TSPAN3: variants seen among roughly 807,000 people sequenced by gnomAD.
TSPAN3 encodes the protein tetraspanin 3.
A neutral mutation model predicts 31.1 loss-of-function variants in TSPAN3; 9 were observed. That is an observed-to-expected ratio of 0.29 (90% CI 0.17 to 0.50). The LOEUF (loss-of-function observed/expected upper bound fraction) is 0.50. TSPAN3 is among the 20% of genes least tolerant of loss of function. The pLI, the probability that TSPAN3 is intolerant of heterozygous loss-of-function variation, is 0.98. For missense variants in TSPAN3, 252 were observed against 313.5 expected (o/e 0.80, Z 1.48); for synonymous variants, 129 against 114.3 (o/e 1.13, Z -0.82).
In TSPAN3 at chr15:77,070,905, T is replaced by C. The variant is rs936085475; in HGVS notation, c.50A>G (p.Asn17Ser). The C allele has an allele frequency of 7.1e-7, 1 of 1,418,192 alleles. No homozygotes were observed. Among genetic ancestry groups the C allele is most frequent in the Non-Finnish European group, 9.3e-7 (1 of 1,074,742 alleles). The allele number at this position is 1,418,192 out of a possible 1,614,324, so 87.9% of individuals were successfully genotyped here. A position where few individuals can be genotyped will look rare whatever the true frequency, so the allele number is the denominator to read the frequency against. The change falls in exon 1 of 7, where the codon AAC (asparagine) becomes AGC (serine). Residue 17 changes from asparagine (N) to serine (S), a missense_variant. By Grantham distance (46) the Asn-to-Ser change is conservative. Transcript: ENST00000267970. ...TSSKTVLVFL[N>S]LIFWGAAGIL... ...GGCCCCGCTCACCCAGAAGATGAGG[T>C]TGAGAAAGACCAGCACGGTCTTGGA...
intron 1 of TSPAN3, 39 bp from the exon 2 acceptor site, chr15:77,056,294 C>T (rs965654936): frequency 2.7e-6 from 4 of 1,490,384 alleles, no homozygotes; most frequent in East Asian, 2.4e-5. Flanking sequence ...CTAAGCACTG[C>T]TGGTAAAAAT....
At chr15:77,054,355 C>T (rs1358856946) in intron 3 of TSPAN3, 76 bp from the exon 4 acceptor site, 2 of 1,056,322 alleles carry the variant, frequency 1.9e-6, no homozygotes, top group Non-Finnish European at 2.9e-6. Flanking sequence ...TACTAAAATA[C>T]TTAAATGAAA....
Position 77,055,768 on chromosome 15 carries a change from GA to G in TSPAN3, c.330+20del. On this transcript the variant is annotated intron_variant, in intron 3 of 6. Transcript: ENST00000267970. Reference sequence around the variant, plus strand: ...TAAACCACCTTTTAAGGCATTATGTGAATTACAGTAGACAACATACCTTTGC... The same window carrying G: ...TAAACCACCTTTTAAGGCATTATGTGATTACAGTAGACAACATACCTTTGC... The G allele has an allele frequency of 6.4e-7, 1 of 1,574,784 alleles. No individual in the cohort carries two copies. The highest frequency in any genetic ancestry group is 8.6e-7 in the Non-Finnish European group (1 of 1,164,652).
intron 1 of TSPAN3, among the ~76,000 whole-genome samples, chr15:77,069,139 A>C (rs961002326): frequency 6.6e-6 from 1 of 152,238 alleles, no homozygotes; most frequent in African/African-American, 2.4e-5. Context: ...GTTGTAGAAA[A>C]ACAGGTAGCT....
intron 1 of TSPAN3, chr15:77,068,095 C>T (rs1412763248): frequency 6.6e-6 from 1 of 152,170 alleles, no homozygotes; most frequent in African/African-American, 2.4e-5. Flanking sequence ...ATGTTAGTTG[C>T]CATTACCCAT....
At chr15:77,051,528 TAAA>T (rs575430311) in intron 6 of TSPAN3, among the ~76,000 whole-genome samples, 6 of 128,302 alleles carry the variant, frequency 4.7e-5, no homozygotes, top group African/African-American at 5.8e-5. Flanking sequence ...AACTCTGTCG[TAAA>T]AAAAAAAAAA....
Position 77,046,610 on chromosome 15 carries a change from A to G in TSPAN3, c.*225T>C. 1.8e-6 allele frequency: 1 copy of G among 548,742 alleles called. No homozygotes were observed. Among genetic ancestry groups the G allele is most frequent in the Non-Finnish European group, 3.2e-6 (1 of 310,816 alleles). The allele number at this position is 548,742 out of a possible 1,614,324, so 34.0% of individuals were successfully genotyped here. The stretch of plus-strand genomic sequence containing the variant: ...TGGTTCTGAAATTAGAACGTTCACC[A>G]TCGTACTTAAAATCTTAGGGGCATG... On this transcript the variant is annotated 3_prime_UTR_variant, in exon 7 of 7. Coordinates refer to ENST00000267970, the MANE Select transcript of TSPAN3 (RefSeq NM_005724.6).
At chr15:77,067,481 A>G (rs776331363) in intron 1 of TSPAN3, among the ~76,000 whole-genome samples, 2 of 152,200 alleles carry the variant, frequency 1.3e-5, no homozygotes, top group Non-Finnish European at 2.9e-5. Context: ...TTAAACTTTG[A>G]CCCTTGTTAA....
intron 6 of TSPAN3, among the ~76,000 whole-genome samples, chr15:77,051,544 A>G (rs1215088639): frequency 6.6e-6 from 1 of 150,980 alleles, no homozygotes; most frequent in African/African-American, 2.4e-5. Context: ...AAAAAAAAAG[A>G]AAAGAAAAGA....
intron 1 of TSPAN3, among the ~76,000 whole-genome samples, chr15:77,066,130 G>A (rs897607705): frequency 3.3e-5 from 5 of 152,046 alleles, no homozygotes; most frequent in African/African-American, 4.8e-5. Flanking sequence ...TTAATTTACC[G>A]GAATAAAAAC....
At chr15:77,054,113 G>T in intron 4 of TSPAN3, 65 bp downstream of exon 4, 1 of 1,103,504 alleles carries the variant, frequency 9.1e-7, no homozygotes. Flanking sequence ...AGAAATAGCA[G>T]TTAGTTTAAT....
intron 1 of TSPAN3, among the ~76,000 whole-genome samples, chr15:77,067,099 G>A (rs2076838301): frequency 2.0e-5 from 3 of 151,954 alleles, no homozygotes; most frequent in Admixed American, 2.0e-4. Flanking sequence ...GAGCCCTCAT[G>A]ACCCAATCAC....
intron 4 of TSPAN3, among the ~76,000 whole-genome samples, chr15:77,053,905 G>C (rs1013003395): frequency 6.6e-6 from 1 of 151,994 alleles, no homozygotes; most frequent in Non-Finnish European, 1.5e-5. Context: ...TCTCTCTTGC[G>C]TCATCACCCC....
At chr15:77,053,410 T>C (rs1277935130) in intron 4 of TSPAN3, among the ~76,000 whole-genome samples, 10 of 120,936 alleles carry the variant, frequency 8.3e-5, no homozygotes, top group African/African-American at 2.7e-4. Context: ...ATCGCGCCAC[T>C]GCACTCCAGC....
intron 1 of TSPAN3, among the ~76,000 whole-genome samples, chr15:77,057,845 C>G (rs926783104): frequency 2.6e-5 from 4 of 152,200 alleles, no homozygotes; most frequent in Non-Finnish European, 5.9e-5. Context: ...CATCTCAGAA[C>G]TACACATTTC....
chr15:77,056,539 A>C (rs1164397332), intron 1 of TSPAN3, among the ~76,000 whole-genome samples: 3 of 152,078 alleles, frequency 2.0e-5, no homozygotes, highest in Non-Finnish European at 4.4e-5. Context: ...ACATCCCTAA[A>C]GGCTTACTGT....
intron 1 of TSPAN3, among the ~76,000 whole-genome samples, chr15:77,058,619 GTACCCATCTGTCCTTCAC>G (rs2076782502): frequency 6.6e-6 from 1 of 152,200 alleles, no homozygotes; most frequent in African/African-American, 2.4e-5. Flanking sequence ...AGCACGAATT[GTACCCATCTGTCCTTCAC>G]CCTTGTATCA....
intron 1 of TSPAN3, among the ~76,000 whole-genome samples, chr15:77,061,534 AT>A (rs920182634): frequency 1.4e-4 from 22 of 152,122 alleles, no homozygotes; most frequent in Non-Finnish European, 2.6e-4. Flanking sequence ...GTCTCAAAAA[AT>A]TAAAAAAAAA....
At position 77,052,880 on chromosome 15, in the gene TSPAN3, C is replaced by T; in HGVS notation, c.482G>A (p.Trp161Ter). Reference protein sequence around the residue: ...HNYSDWENTDWFKETKNQSVP... With the variant: ...HNYSDWENTD ...ACTCTGGTTTTTGGTTTCTTTGAAC[C>T]AATCTGTATTTTCCCAGTCTGAGTA... Residue 161 changes from tryptophan (W) to a stop codon, truncating the protein, a stop_gained, in exon 5 of 7, where the codon TGG becomes TAG. Transcript: ENST00000267970. LOFTEE classifies it high-confidence loss of function. 6.2e-7 allele frequency: 1 copy of T among 1,613,988 alleles called. No individual in the cohort carries two copies. Among genetic ancestry groups the T allele is most frequent in the Non-Finnish European group, 8.5e-7 (1 of 1,179,924 alleles).
Sources: allele counts gnomAD v4.1 joint callset (sites outside exome capture counted in the v4.1 genomes callset), GRCh38; gene constraint gnomAD v4.1.1; transcripts MANE v1.5; gene names NCBI Gene and HGNC (gene_info 2026-07-23, HGNC 2026-07-21).